JDP2: variants seen among roughly 807,000 people sequenced by gnomAD.
JDP2 encodes progesterone receptor co-activator.
Under a neutral mutation model 17.1 loss-of-function variants are expected in JDP2, and 9 were observed. That is an observed-to-expected ratio of 0.53 (90% CI 0.32 to 0.92). JDP2 has a LOEUF of 0.92. JDP2 is among the 40% of genes least tolerant of loss of function. The pLI, the probability that JDP2 is intolerant of heterozygous loss-of-function variation, is 0.04. For synonymous variants in JDP2, 107 were observed against 95.6 expected, an observed-to-expected ratio of 1.12 and a Z score of -0.69; for missense variants, 179 against 220.0, an observed-to-expected ratio of 0.81 and a Z score of 1.18.
rs1445348986 is a variant in JDP2, at chr14:75,473,089, T to A, written c.*3614T>A. 1 of 152,094 alleles carries A rather than the reference T, an allele frequency of 6.6e-6. No homozygotes were observed. The highest frequency in any genetic ancestry group is 6.6e-5 in the Admixed American group (1 of 15,256). 9.4% of individuals were successfully genotyped at this position (152,094 alleles called of 1,614,324 possible). ...AAGTATGTGTTGGTAAGAATATGGA[T>A]TAAAGGTTGGGAGGCCAAGATGGGT... On this transcript the variant is annotated 3_prime_UTR_variant, in exon 4 of 4. Coordinates refer to ENST00000651602, the MANE Select transcript of JDP2 (RefSeq NM_001135048.2).
At position 75,473,805 on chromosome 14, in the gene JDP2, G is replaced by T. The variant is rs1187579510; in HGVS notation, c.*4330G>T. The T allele has an allele frequency of 2.0e-5, 3 of 152,116 alleles. No homozygotes were observed. The highest frequency in any genetic ancestry group is 2.9e-5 in the Non-Finnish European group (2 of 68,034). The allele number at this position is 152,116 out of a possible 1,614,324, so 9.4% of individuals were successfully genotyped here. A position where few individuals can be genotyped will look rare whatever the true frequency, so the allele number is the denominator to read the frequency against. ...TTGTTTATGGCTACACACACATCTG[G>T]GTAATAGAGGTATAAAAGCCTGCAC... On this transcript the variant is annotated 3_prime_UTR_variant, in exon 4 of 4. Transcript: ENST00000651602.
At chr14:75,456,273 G>A (rs536183285) in intron 2 of JDP2, among the ~76,000 whole-genome samples, 12 of 152,296 alleles carry the variant, frequency 7.9e-5, no homozygotes, top group African/African-American at 2.6e-4. Context: ...GTTGGCTTCT[G>A]TCCACATCTC....
intron 1 of JDP2, among the ~76,000 whole-genome samples, chr14:75,434,421 CT>C (rs967885466): frequency 6.6e-6 from 1 of 151,992 alleles, no homozygotes; most frequent in Non-Finnish European, 1.5e-5. Flanking sequence ...GTTAGGGGCT[CT>C]TTTGCAGGGG....
intron 2 of JDP2, among the ~76,000 whole-genome samples, chr14:75,448,592 G>T (rs1434742711): frequency 6.6e-6 from 1 of 152,204 alleles, no homozygotes; most frequent in Non-Finnish European, 1.5e-5. Context: ...TGTAAGGCAG[G>T]GGTTGCTTTC....
intron 1 of JDP2, among the ~76,000 whole-genome samples, chr14:75,433,669 G>A (rs1884925575): frequency 1.3e-5 from 2 of 151,124 alleles, no homozygotes; most frequent in African/African-American, 4.9e-5. Context: ...GGTCCACGGT[G>A]ACCTTCTGAA....
At chr14:75,456,317 G>GTC (rs1331936381) in intron 2 of JDP2, among the ~76,000 whole-genome samples, 2 of 152,164 alleles carry the variant, frequency 1.3e-5, no homozygotes, top group African/African-American at 4.8e-5. Context: ...CTGCCTCTGT[G>GTC]TCTCTCTCTC....
At chr14:75,439,987 T>A (rs1416000550) in intron 2 of JDP2, among the ~76,000 whole-genome samples, 4 of 152,182 alleles carry the variant, frequency 2.6e-5, no homozygotes, top group African/African-American at 9.7e-5. Flanking sequence ...TTAACACCTC[T>A]CTCCTCTGCA....
intron 3 of JDP2, among the ~76,000 whole-genome samples, chr14:75,466,593 T>A (rs1210335995): frequency 1.3e-5 from 2 of 152,218 alleles, no homozygotes; most frequent in Non-Finnish European, 2.9e-5. Flanking sequence ...ACTGCACTGA[T>A]CTTTGTGTGT....
intron 2 of JDP2, among the ~76,000 whole-genome samples, chr14:75,442,951 C>A (rs777716422): frequency 2.4e-4 from 37 of 152,288 alleles, no homozygotes; most frequent in Admixed American, 8.5e-4. Context: ...ACTGCCCTTT[C>A]CAACGTAGGG....
At chr14:75,455,144 G>A (rs1886044586) in intron 2 of JDP2, among the ~76,000 whole-genome samples, 1 of 152,180 alleles carries the variant, frequency 6.6e-6, no homozygotes, top group African/African-American at 2.4e-5. Flanking sequence ...ACACAAATCT[G>A]CGTGCGCATG....
At chr14:75,455,795 AC>A (rs974029518) in intron 2 of JDP2, among the ~76,000 whole-genome samples, 1 of 151,716 alleles carries the variant, frequency 6.6e-6, no homozygotes, top group Non-Finnish European at 1.5e-5. Flanking sequence ...AGCTCTGTCC[AC>A]CCCCTGTAAG....
chr14:75,454,244 A>G (rs2139981326), intron 2 of JDP2, among the ~76,000 whole-genome samples: 1 of 152,324 alleles, frequency 6.6e-6, no homozygotes, highest in South Asian at 2.1e-4. Flanking sequence ...TTTTTAAAAC[A>G]TGTTAAAAAC....
intron 2 of JDP2, among the ~76,000 whole-genome samples, chr14:75,452,040 T>G (rs145078488): frequency 1.2e-3 from 176 of 152,288 alleles, no homozygotes; most frequent in African/African-American, 4.0e-3. Flanking sequence ...AGCCTCAGCC[T>G]CCTGAGTGGC....
At chr14:75,458,277 G>A (rs550940378) in intron 2 of JDP2, among the ~76,000 whole-genome samples, 1 of 152,236 alleles carries the variant, frequency 6.6e-6, no homozygotes, top group East Asian at 1.9e-4. Flanking sequence ...CAGGTTCTAA[G>A]CCTAGTAGCC....
intron 2 of JDP2, among the ~76,000 whole-genome samples, chr14:75,459,204 C>T (rs938410215): frequency 1.3e-5 from 2 of 152,210 alleles, no homozygotes; most frequent in South Asian, 2.1e-4. Context: ...AGGGAGATTG[C>T]ACCGCCAGCC....
At chr14:75,449,893 C>A (rs1885773609) in intron 2 of JDP2, among the ~76,000 whole-genome samples, 1 of 152,178 alleles carries the variant, frequency 6.6e-6, no homozygotes, top group Non-Finnish European at 1.5e-5. Context: ...ATGGGTGTCA[C>A]CCTGCCTAGC....
intron 2 of JDP2, among the ~76,000 whole-genome samples, chr14:75,448,891 G>A (rs1382860428): frequency 6.6e-6 from 1 of 152,190 alleles, no homozygotes; most frequent in Non-Finnish European, 1.5e-5. Flanking sequence ...CACTCTATCT[G>A]CCTCAGTGTG....
chr14:75,465,823 T>C (rs1371813574), intron 3 of JDP2, among the ~76,000 whole-genome samples: 2 of 152,218 alleles, frequency 1.3e-5, no homozygotes, highest in African/African-American at 4.8e-5. Context: ...AGAACCTTAA[T>C]ATGCACTAAT....
chr14:75,450,066 A>C (rs756873507), intron 2 of JDP2, among the ~76,000 whole-genome samples: 30 of 152,184 alleles, frequency 2.0e-4, no homozygotes, highest in Non-Finnish European at 3.2e-4. Flanking sequence ...CTCTTAATGC[A>C]AAAGAAGGTT....
Sources: allele counts gnomAD v4.1 joint callset (sites outside exome capture counted in the v4.1 genomes callset), GRCh38; gene constraint gnomAD v4.1.1; transcripts MANE v1.5; gene names NCBI Gene and HGNC (gene_info 2026-07-23, HGNC 2026-07-21).